SFSWAP: variants seen among roughly 807,000 people sequenced by gnomAD.
SFSWAP encodes splicing factor SWAP, also known as splicing factor, suppressor of white-apricot homolog.
Under a neutral mutation model 100.7 loss-of-function variants are expected in SFSWAP, and 17 were observed. The observed-to-expected ratio is 0.17, with a 90% CI of 0.12 to 0.25. The LOEUF (loss-of-function observed/expected upper bound fraction) is 0.25, where lower values mean the gene tolerates loss of function less well. SFSWAP is among the 10% of genes least tolerant of loss of function. SFSWAP has a pLI of 1.00. For missense variants in SFSWAP, 1,005 were observed against 1,262.6 expected (o/e 0.80, Z 3.09); for synonymous variants, 504 against 510.1 (o/e 0.99, Z 0.16).
intron 7 of SFSWAP, among the ~76,000 whole-genome samples, chr12:131,748,591 G>A (rs1361701096): frequency 2.0e-5 from 3 of 152,220 alleles, no homozygotes; most frequent in Admixed American, 1.3e-4. Context: ...AAATTCACAC[G>A]AGATTAAGAT....
chr12:131,739,926 A>G (rs769132678), intron 7 of SFSWAP, among the ~76,000 whole-genome samples: 2 of 152,196 alleles, frequency 1.3e-5, no homozygotes, highest in South Asian at 4.2e-4. Context: ...TATTCGATTC[A>G]TCTTTTCTTG....
intron 13 of SFSWAP, among the ~76,000 whole-genome samples, chr12:131,770,561 T>TA (rs2136244590): frequency 6.6e-6 from 1 of 152,350 alleles, no homozygotes; most frequent in Non-Finnish European, 1.5e-5. Flanking sequence ...ATATGATTTT[T>TA]AAAGTTCCAA....
rs189045424 is a variant in SFSWAP at position 131,786,304 on chromosome 12, A to T, written c.2409-159A>T. The stretch of plus-strand genomic sequence containing the variant: ...CAGTTCGTTGTCGGTAAAGTAGTGA[A>T]GTGTGGCAGGGGTTCTCTGAAGCCT... On this transcript the variant is annotated intron_variant, in intron 14 of 17. Transcript: ENST00000261674. 6.4e-3 allele frequency among the ~76,000 whole-genome samples: 969 copies of T among 152,288 alleles called. 11 individuals carry two copies. The highest frequency in any genetic ancestry group is 0.021 in the African/African-American group (860 of 41,562).
At chr12:131,755,146 G>A (rs186452231) in intron 9 of SFSWAP, among the ~76,000 whole-genome samples, 54 of 152,090 alleles carry the variant, frequency 3.6e-4, no homozygotes, top group Non-Finnish European at 5.9e-4. Context: ...AATGTCCCAC[G>A]CCTCAGTACT....
chr12:131,756,302 C>T (rs1486195122), intron 10 of SFSWAP, among the ~76,000 whole-genome samples, 171 bp from the exon 11 acceptor site: 1 of 152,170 alleles, frequency 6.6e-6, no homozygotes, highest in East Asian at 1.9e-4. Context: ...TGATACATTC[C>T]ATTGTAAGAA....
chr12:131,735,269 T>C (rs1879901209), intron 7 of SFSWAP, among the ~76,000 whole-genome samples: 1 of 152,244 alleles, frequency 6.6e-6, no homozygotes, highest in South Asian at 2.1e-4. Context: ...TTATGCGCGC[T>C]TTCTGACGAA....
rs116453497 is a variant in SFSWAP at position 131,736,287 on chromosome 12, G to A, written c.1081+7859G>A. Among the ~76,000 whole-genome samples, 930 of 152,296 alleles carry A rather than the reference G, an allele frequency of 6.1e-3. 11 individuals are homozygous for A. The highest frequency in any genetic ancestry group is 0.021 in the African/African-American group (884 of 41,552). On this transcript the variant is annotated intron_variant, in intron 7 of 17. Coordinates refer to ENST00000261674, the MANE Select transcript of SFSWAP (RefSeq NM_004592.4). ...AGAGCCTCACTTTCACCCAGTATCA[G>A]AATCACTTCCAGATGTAAATGCCAG...
rs1879392433 is a variant in SFSWAP, at chr12:131,730,468, C to T, written c.1081+2040C>T. On this transcript the variant is annotated intron_variant, in intron 7 of 17. Coordinates refer to ENST00000261674, the MANE Select transcript of SFSWAP (RefSeq NM_004592.4). This position sits in a 1 kb window ranked among gnomAD's most constrained non-coding sequence, Gnocchi z 4.0. ...TGGAAGAACAGCCATGTGCAGACCC[C>T]GCAGGACCAGGCAGGATGGTGGAGC... 6.6e-6 allele frequency among the ~76,000 whole-genome samples: 1 copy of T among 152,186 alleles called. No homozygotes were observed. The highest frequency in any genetic ancestry group is 2.4e-5 in the African/African-American group (1 of 41,434).
chr12:131,721,802 TAG>T (rs1400967245), intron 4 of SFSWAP, among the ~76,000 whole-genome samples: 2 of 152,358 alleles, frequency 1.3e-5, no homozygotes, highest in East Asian at 1.9e-4. Context: ...GTCTTATCAT[TAG>T]AGTTTCTTCT....
At chr12:131,715,177 A>G (rs1877776044) in intron 3 of SFSWAP, among the ~76,000 whole-genome samples, 2 of 152,224 alleles carry the variant, frequency 1.3e-5, no homozygotes, top group Non-Finnish European at 2.9e-5. Flanking sequence ...TTTATTTCTC[A>G]TTGATTCGGG....
rs11246782 is a variant in SFSWAP, at chr12:131,733,497, A to T, written c.1081+5069A>T. 6.6e-6 allele frequency among the ~76,000 whole-genome samples: 1 copy of T among 151,862 alleles called. No homozygotes were observed. Among genetic ancestry groups the T allele is most frequent in the Non-Finnish European group, 1.5e-5 (1 of 67,966 alleles). On this transcript the variant is annotated intron_variant, in intron 7 of 17. Transcript: ENST00000261674. The surrounding 1 kb of genome is among the most constrained non-coding windows in gnomAD (Gnocchi z 5.1). ...CTGCCTGCACTGCCCCACCGCTCAG[A>T]GGGCCACAGGAGCAGGGCTTCCTCC...
intron 13 of SFSWAP, among the ~76,000 whole-genome samples, chr12:131,766,883 C>T (rs1299216310): frequency 6.6e-6 from 1 of 152,272 alleles, no homozygotes. Context: ...AGGGGGTGCT[C>T]AGAACAGTGC....
In SFSWAP at chr12:131,714,807, T is replaced by C. The variant is rs1877727784; in HGVS notation, c.389-15T>C. On this transcript the variant is annotated splice_polypyrimidine_tract_variant and intron_variant, in intron 2 of 17. Coordinates refer to ENST00000261674, the MANE Select transcript of SFSWAP (RefSeq NM_004592.4). The surrounding 1 kb of genome is among the most constrained non-coding windows in gnomAD (Gnocchi z 6.0). ...TTTTCTATTTTTGTTGATAAAATTC[T>C]CATTTTTATTCAAGAGGAAGAATAC... The C allele has an allele frequency of 6.2e-7, 1 of 1,606,968 alleles. No individual in the cohort carries two copies. The highest frequency in any genetic ancestry group is 1.3e-5 in the African/African-American group (1 of 74,786).
intron 7 of SFSWAP, among the ~76,000 whole-genome samples, chr12:131,731,835 T>C (rs973378308): frequency 6.6e-6 from 1 of 151,926 alleles, no homozygotes; most frequent in Non-Finnish European, 1.5e-5. Context: ...TGGCATTTGG[T>C]TGATTTTTTT....
At chr12:131,737,246 G>A (rs1425391202) in intron 7 of SFSWAP, among the ~76,000 whole-genome samples, 1 of 152,120 alleles carries the variant, frequency 6.6e-6, no homozygotes, top group Non-Finnish European at 1.5e-5. Flanking sequence ...GAGGCAGTCT[G>A]TTCACGTCAG....
Position 131,711,137 on chromosome 12 carries a change from C to CG in SFSWAP, c.-89dup. On this transcript the variant is annotated 5_prime_UTR_variant, in exon 1 of 18. An upstream open reading frame in the 5' UTR gains an earlier in-frame stop. Coordinates refer to ENST00000261674, the MANE Select transcript of SFSWAP (RefSeq NM_004592.4). This position sits in a 1 kb window ranked among gnomAD's most constrained non-coding sequence, Gnocchi z 4.9. ...CGGTGTTGAGGTTGGGTACGGGATG[C>CG]GGGGTCTTTGACTGAAGGGGTAGGC... 4 of 1,032,328 alleles carry CG rather than the reference C, an allele frequency of 3.9e-6. No individual in the cohort carries two copies. In the South Asian group the frequency reaches 4.9e-5, roughly 13 times the overall value. The allele number at this position is 1,032,328 out of a possible 1,614,324, so 63.9% of individuals were successfully genotyped here.
intron 4 of SFSWAP, among the ~76,000 whole-genome samples, chr12:131,721,100 T>C (rs1566004117): frequency 6.6e-6 from 1 of 152,070 alleles, no homozygotes; most frequent in Non-Finnish European, 1.5e-5. Flanking sequence ...CTACACACTT[T>C]CAAATGACCA....
At chr12:131,789,770 C>T (rs1056402056) in intron 15 of SFSWAP, among the ~76,000 whole-genome samples, 2 of 152,154 alleles carry the variant, frequency 1.3e-5, no homozygotes, top group Middle Eastern at 3.2e-3. Flanking sequence ...TTGCTGTGTC[C>T]CCGTGGCTGG....
rs772239147 is a variant in SFSWAP at position 131,797,206 on chromosome 12, C to T, written c.2563C>T (p.Arg855Trp). Reference protein sequence around the residue: ...RSPHEKKKKRRSRSRTKSKAR... With the variant: ...RSPHEKKKKRWSRSRTKSKAR... Reference sequence around the variant, plus strand: ...TCCCCACGAGAAGAAGAAGAAGAGGCGGTCCCGGTCGCGGACCAAGTCCAA... The same window carrying T: ...TCCCCACGAGAAGAAGAAGAAGAGGTGGTCCCGGTCGCGGACCAAGTCCAA... Residue 855 changes from arginine to tryptophan, a missense_variant, in exon 16 of 18, where the codon CGG (arginine) becomes TGG (tryptophan). Coordinates refer to ENST00000261674, the MANE Select transcript of SFSWAP (RefSeq NM_004592.4). 8 of 1,610,890 alleles carry T rather than the reference C, an allele frequency of 5.0e-6. No homozygotes were observed. Among genetic ancestry groups the T allele is most frequent in the South Asian group, 4.4e-5 (4 of 91,070 alleles).
Sources: gnomAD v4.1 joint callset for allele counts (sites outside exome capture counted in the v4.1 genomes callset) on GRCh38, gnomAD v4.1.1 for gene constraint, Gnocchi (gnomAD v3.1) non-coding constraint, MANE v1.5 for transcripts, NCBI Gene and HGNC (gene_info 2026-07-23, HGNC 2026-07-21) for gene names.